The following PRDM1 variants were observed in gnomAD, a reference collection of about 807,000 sequenced individuals.
PRDM1 encodes PR/SET domain 1.
Under a neutral mutation model 62.8 loss-of-function variants are expected in PRDM1, and 13 were observed. That is an observed-to-expected ratio of 0.21 (90% CI 0.13 to 0.33). The LOEUF (loss-of-function observed/expected upper bound fraction) is 0.33, where lower values mean the gene tolerates loss of function less well. PRDM1 is among the 10% of genes least tolerant of loss of function. The pLI, the probability that PRDM1 is intolerant of heterozygous loss-of-function variation, is 1.00. For synonymous variants in PRDM1, 396 were observed against 417.6 expected (o/e 0.95, Z 0.63); for missense variants, 895 against 1,058.8 (o/e 0.85, Z 2.15).
chr6:105,997,950 T>G (rs1226274790), intron 1 of PRDM1, among the ~76,000 whole-genome samples: 1 of 152,224 alleles, frequency 6.6e-6, no homozygotes, highest in African/African-American at 2.4e-5. Flanking sequence ...CTTAATACTG[T>G]ATGCTCAAGC....
intron 3 of PRDM1, chr6:106,096,247 C>T (rs1774114927): frequency 6.4e-6 from 1 of 156,272 alleles, no homozygotes; most frequent in Non-Finnish European, 1.4e-5. Context: ...CTCCCAGGTT[C>T]AAGCAATTGT....
At chr6:106,049,208 A>G (rs957978010) in intron 1 of PRDM1, among the ~76,000 whole-genome samples, 1 of 152,224 alleles carries the variant, frequency 6.6e-6, no homozygotes, top group Non-Finnish European at 1.5e-5. Context: ...GAGAGAACAG[A>G]TGCTGTTACT....
intron 1 of PRDM1, among the ~76,000 whole-genome samples, chr6:106,072,390 CTCTCCACTGAAGTGCAGCAT>C (rs1489509235): frequency 6.6e-6 from 1 of 152,210 alleles, no homozygotes; most frequent in Admixed American, 6.5e-5. Flanking sequence ...TCCCTGTCCT[CTCTCCACTGAAGTGCAGCAT>C]GCAATTGGGT....
At chr6:106,027,742 C>T (rs1772785512) in intron 1 of PRDM1, among the ~76,000 whole-genome samples, 2 of 152,178 alleles carry the variant, frequency 1.3e-5, no homozygotes, top group East Asian at 1.9e-4. Context: ...GATTTCATCA[C>T]TTGAGAGTGT....
intron 1 of PRDM1, among the ~76,000 whole-genome samples, chr6:106,019,788 C>T (rs927861865): frequency 7.9e-5 from 12 of 151,714 alleles, no homozygotes; most frequent in Middle Eastern, 6.9e-3. Context: ...TACAGGCGCC[C>T]GCCACCATGA....
rs1774546819 is a variant in PRDM1, at chr6:106,107,823, A to G, written c.*337A>G. On this transcript the variant is annotated 3_prime_UTR_variant, in exon 7 of 7. Transcript: ENST00000369096. ...TTACTAAGACTATTACCTAGTCATA[A>G]TTATTTTTTCAATGATAATCCTTCA... The G allele has an allele frequency of 4.3e-6, 1 of 232,044 alleles. No individual in the cohort carries two copies. The highest frequency in any genetic ancestry group is 8.5e-6 in the Non-Finnish European group (1 of 117,240). The allele number at this position is 232,044 out of a possible 1,614,324, so 14.4% of individuals were successfully genotyped here.
At chr6:106,030,209 C>T (rs1772823334) in intron 1 of PRDM1, among the ~76,000 whole-genome samples, 1 of 152,120 alleles carries the variant, frequency 6.6e-6, no homozygotes, top group Admixed American at 6.6e-5. Flanking sequence ...TGTTTTGTCA[C>T]CCAGTCTGGA....
intron 5 of PRDM1, 53 bp downstream of exon 5, chr6:106,105,986 G>C (rs890793320): frequency 1.2e-5 from 18 of 1,556,282 alleles, no homozygotes; most frequent in African/African-American, 2.7e-5. Flanking sequence ...GCTTGTGTTT[G>C]TATTTAGCTT....
chr6:106,096,948 T>A (rs1051049770), intron 3 of PRDM1, among the ~76,000 whole-genome samples: 4 of 152,216 alleles, frequency 2.6e-5, no homozygotes, highest in Non-Finnish European at 5.9e-5. Context: ...ATGCTTGCTT[T>A]AGCTGGTATT....
intron 3 of PRDM1, among the ~76,000 whole-genome samples, chr6:106,097,954 A>G (rs1168982440): frequency 1.3e-5 from 2 of 152,260 alleles, no homozygotes; most frequent in Non-Finnish European, 2.9e-5. Flanking sequence ...TGATGAAGCC[A>G]CATGTATTTC....
At chr6:106,082,912 G>GT (rs1388663165), upstream of PRDM1, among the ~76,000 whole-genome samples, 1 of 152,062 alleles carries the variant, frequency 6.6e-6, no homozygotes, top group Non-Finnish European at 1.5e-5. Context: ...GACACACACA[G>GT]GCTGCATTGT....
At chr6:105,999,431 G>T (rs1772401169) in intron 1 of PRDM1, among the ~76,000 whole-genome samples, 1 of 151,900 alleles carries the variant, frequency 6.6e-6, no homozygotes, top group African/African-American at 2.4e-5. Context: ...TGACCAATTA[G>T]AACAAAATTT....
chr6:106,086,419 G>T lies in PRDM1; in HGVS notation c.-135G>T, dbSNP rs993318102. Reference sequence around the variant, plus strand: ...CAGCGACCGCGGCACCTGTCCGCCCGGAGCTGGGACGCGGGCGCCCGGGCG... The same window carrying T: ...CAGCGACCGCGGCACCTGTCCGCCCTGAGCTGGGACGCGGGCGCCCGGGCG... On this transcript the variant is annotated 5_prime_UTR_variant, in exon 1 of 7. Transcript: ENST00000369096. The T allele has an allele frequency of 2.2e-5, 16 of 721,416 alleles. No homozygotes were observed. Among genetic ancestry groups the T allele is most frequent in the Non-Finnish European group, 3.4e-5 (15 of 435,956 alleles). 44.7% of individuals were successfully genotyped at this position (721,416 alleles called of 1,614,324 possible).
intron 1 of PRDM1, among the ~76,000 whole-genome samples, chr6:106,069,515 A>G (rs1211101624): frequency 6.6e-6 from 1 of 152,224 alleles, no homozygotes; most frequent in African/African-American, 2.4e-5. Context: ...ATGGAGAGAA[A>G]GCAAACTGGA....
chr6:106,061,507 C>T (rs1157440040), intron 1 of PRDM1, among the ~76,000 whole-genome samples: 1 of 152,206 alleles, frequency 6.6e-6, no homozygotes, highest in African/African-American at 2.4e-5. Context: ...CTGCAGTGGG[C>T]ATGATAATCA....
chr6:106,089,299 G>A (rs539501837), intron 2 of PRDM1, among the ~76,000 whole-genome samples: 1 of 152,314 alleles, frequency 6.6e-6, no homozygotes, highest in South Asian at 2.1e-4. Context: ...GGACCCCTCA[G>A]CAGACTTCCC....
Position 106,095,977 on chromosome 6 carries a change from T to C in PRDM1, c.411+243T>C, listed in dbSNP as rs1774104644. Reference sequence around the variant, plus strand: ...GTGAATCTTGATTTTTGCAATTCATTAGAGCTTTGTAATGAAAGGAAACAG... The same window carrying C: ...GTGAATCTTGATTTTTGCAATTCATCAGAGCTTTGTAATGAAAGGAAACAG... On this transcript the variant is annotated intron_variant, in intron 3 of 6. Coordinates refer to ENST00000369096, the MANE Select transcript of PRDM1 (RefSeq NM_001198.4). The C allele has an allele frequency of 9.8e-6, 4 of 408,746 alleles. No individual in the cohort carries two copies. The Admixed American group carries it at 1.1e-4, about 11-fold the overall frequency. 25.3% of individuals were successfully genotyped at this position (408,746 alleles called of 1,614,324 possible).
intron 1 of PRDM1, among the ~76,000 whole-genome samples, chr6:106,077,138 CAA>C (rs1773616276): frequency 6.6e-6 from 1 of 152,156 alleles, no homozygotes; most frequent in Admixed American, 6.5e-5. Flanking sequence ...GTCCCATAAA[CAA>C]AGGCTGAGCA....
chr6:106,104,926 T>C lies in PRDM1; in HGVS notation c.766T>C (p.Leu256=), dbSNP rs1774403433. 1.9e-6 allele frequency: 3 copies of C among 1,613,832 alleles called. No individual in the cohort carries two copies. Among genetic ancestry groups the C allele is most frequent in the African/African-American group, 2.7e-5 (2 of 74,822 alleles). ...GTACAGCGTGAAAGAAATCCTAAAA[T>C]TGGACTCCAACCCCTCCAAAGGAAA... ...REYSVKEILK[L]DSNPSKGKDL... is the part of the protein sequence containing the mutation. The change falls in exon 5 of 7, where the codon TTG becomes CTG. Residue 256 remains leucine, a synonymous_variant. Transcript: ENST00000369096.
Sources: allele counts gnomAD v4.1 joint callset (sites outside exome capture counted in the v4.1 genomes callset), GRCh38; gene constraint gnomAD v4.1.1; transcripts MANE v1.5; gene names NCBI Gene and HGNC (gene_info 2026-07-23, HGNC 2026-07-21).